WDR20: variants seen among roughly 807,000 people sequenced by gnomAD.
WDR20 encodes WD repeat-containing protein 20.
Under a neutral mutation model 38.7 loss-of-function variants are expected in WDR20, and 3 were observed. The observed-to-expected ratio is 0.08, with a 90% CI of 0.04 to 0.20. The LOEUF (loss-of-function observed/expected upper bound fraction) is 0.20. Among genes scored for constraint, WDR20 ranks in the 10% least tolerant of loss-of-function variants. The pLI is 1.00. For missense variants in WDR20, 559 were observed against 727.7 expected (o/e 0.77, Z 2.67); for synonymous variants, 298 against 285.6 (o/e 1.04, Z -0.44).
rs1204387320 is a variant in WDR20 at position 102,195,017 on chromosome 14, C to T, written c.329C>T (p.Thr110Ile). ...ACTTGTCATGACTTCAACCACCTAACAGCCACAGCAGAAAGTGTCTCTCTC... is the reference window on the plus strand; with the variant it reads ...ACTTGTCATGACTTCAACCACCTAATAGCCACAGCAGAAAGTGTCTCTCTC... ...QPTCHDFNHL[T>I]ATAESVSLLV... is the part of the protein sequence containing the mutation. Residue 110 changes from threonine (T) to isoleucine (I), a missense_variant, in exon 2 of 3, where the codon ACA becomes ATA. Transcript: ENST00000342702. The T allele has an allele frequency of 6.2e-7, 1 of 1,614,232 alleles. No individual in the cohort carries two copies. Among genetic ancestry groups the T allele is most frequent in the Non-Finnish European group, 8.5e-7 (1 of 1,180,050 alleles).
rs537726011 is a variant in WDR20, at chr14:102,204,117, G to A, written c.433-4486G>A. 2.3e-4 allele frequency among the ~76,000 whole-genome samples: 35 copies of A among 152,210 alleles called. No homozygotes were observed. The East Asian group carries it at 2.3e-3, about 10-fold the overall frequency. ...GGAGTGGCCCTGCAGGCTGGTCGTC[G>A]GAGCCAGGTGATGTGTGTCTGTGGA... On this transcript the variant is annotated intron_variant, in intron 2 of 2. Transcript: ENST00000342702.
chr14:102,189,870 A>G (rs1015378835), intron 1 of WDR20, among the ~76,000 whole-genome samples: 2 of 152,208 alleles, frequency 1.3e-5, no homozygotes, highest in Non-Finnish European at 2.9e-5. Context: ...ATTAAATATT[A>G]AATGTTGTGG....
chr14:102,203,802 C>CTA (rs1053725815), intron 2 of WDR20, among the ~76,000 whole-genome samples: 4 of 152,164 alleles, frequency 2.6e-5, no homozygotes, highest in African/African-American at 9.7e-5. Context: ...CATTACTTAT[C>CTA]ATTGAGCACT....
intron 1 of WDR20, among the ~76,000 whole-genome samples, chr14:102,169,975 A>G (rs1435806446): frequency 2.6e-5 from 4 of 152,184 alleles, no homozygotes; most frequent in Admixed American, 2.0e-4. Context: ...TTTGCCCTCC[A>G]GTGCCACCCT....
At chr14:102,180,265 G>T (rs948591671) in intron 1 of WDR20, among the ~76,000 whole-genome samples, 1 of 152,136 alleles carries the variant, frequency 6.6e-6, no homozygotes, top group Admixed American at 6.5e-5. Context: ...CCTGTAGCAG[G>T]GTCACTGTTG....
chr14:102,193,063 C>T (rs2058780916), intron 1 of WDR20, among the ~76,000 whole-genome samples: 1 of 148,296 alleles, frequency 6.7e-6, no homozygotes, highest in Non-Finnish European at 1.5e-5. Flanking sequence ...CTTAATTGTT[C>T]GTATTTCAAA....
In WDR20 at chr14:102,208,709, A is replaced by C; in HGVS notation, c.539A>C (p.Glu180Ala). 6.2e-7 allele frequency: 1 copy of C among 1,614,238 alleles called. No homozygotes were observed. The highest frequency in any genetic ancestry group is 8.5e-7 in the Non-Finnish European group (1 of 1,180,048). ...SSGNMYLYNV[E>A]HTCGTTAPHY... is the part of the protein sequence containing the mutation. ...GGGAACATGTACTTATATAATGTGG[A>C]GCACACTTGTGGCACCACAGCCCCC... The change falls in exon 3 of 3, where the codon GAG becomes GCG. Residue 180 changes from glutamate (E) to alanine (A), a missense_variant. Transcript: ENST00000342702. The surrounding 1 kb of genome is among the most constrained non-coding windows in gnomAD (Gnocchi z 5.6).
intron 1 of WDR20, among the ~76,000 whole-genome samples, chr14:102,146,549 G>C (rs1190814702): frequency 6.6e-6 from 1 of 152,188 alleles, no homozygotes; most frequent in Non-Finnish European, 1.5e-5. Context: ...TTTAGATCCT[G>C]ATTAAAGAAG....
chr14:102,186,469 G>A (rs180788411), intron 1 of WDR20, among the ~76,000 whole-genome samples: 2 of 152,304 alleles, frequency 1.3e-5, no homozygotes, highest in East Asian at 3.9e-4. Context: ...ACATAGTTGA[G>A]CTTTGTTCAA....
downstream of WDR20, chr14:102,214,224 C>G: frequency 1.0e-6 from 1 of 985,522 alleles, no homozygotes. Flanking sequence ...TAGTCTACCA[C>G]CCTGGCAGCA....
chr14:102,196,919 C>A (rs1178269977), intron 2 of WDR20, among the ~76,000 whole-genome samples: 1 of 152,150 alleles, frequency 6.6e-6, no homozygotes, highest in Non-Finnish European at 1.5e-5. Context: ...ATCGATTGCC[C>A]TTCATAGTAA....
At chr14:102,212,427 C>T, downstream of WDR20, 2 of 1,369,620 alleles carry the variant, frequency 1.5e-6, no homozygotes, top group Non-Finnish European at 2.0e-6. Context: ...CATGTCCTGA[C>T]CCCTGGCTCA....
intron 1 of WDR20, among the ~76,000 whole-genome samples, chr14:102,164,240 A>G (rs979301684): frequency 6.6e-6 from 1 of 151,948 alleles, no homozygotes; most frequent in South Asian, 2.1e-4. Flanking sequence ...ATGGCCATAT[A>G]TTGACTTCCC....
chr14:102,160,521 T>G (rs577716939), intron 1 of WDR20, among the ~76,000 whole-genome samples: 1 of 152,266 alleles, frequency 6.6e-6, no homozygotes, highest in East Asian at 1.9e-4. Context: ...TGATCTATAT[T>G]GGAGATCTTT....
chr14:102,200,129 G>A (rs2060051513), intron 2 of WDR20, among the ~76,000 whole-genome samples: 1 of 152,234 alleles, frequency 6.6e-6, no homozygotes, highest in Non-Finnish European at 1.5e-5. Context: ...CCTTGCTGGT[G>A]CATCTGTTCA....
downstream of WDR20, among the ~76,000 whole-genome samples, chr14:102,219,623 C>T (rs72698551): frequency 1.9e-3 from 285 of 152,362 alleles, no homozygotes; most frequent in Admixed American, 9.6e-3. Context: ...GGGCGGGCTC[C>T]AGGGAGTCCC....
chr14:102,216,064 G>A (rs1254414288), downstream of WDR20, among the ~76,000 whole-genome samples: 1 of 152,162 alleles, frequency 6.6e-6, no homozygotes, highest in Non-Finnish European at 1.5e-5. Flanking sequence ...GTTGGCAGCC[G>A]GCTGAGCCCT....
At position 102,173,841 on chromosome 14, in the gene WDR20, G is replaced by A. The variant is rs1263850620; in HGVS notation, c.250-21097G>A. ...GGGCAGATCATGAGGTCAGGAGATC[G>A]AGACCATCCTGGCTAACATGCTGAA... On this transcript the variant is annotated intron_variant, in intron 1 of 2. Coordinates refer to ENST00000342702, the MANE Select transcript of WDR20 (RefSeq NM_144574.4). Among the ~76,000 whole-genome samples, 6 of 152,104 alleles carry A rather than the reference G, an allele frequency of 3.9e-5. No individual in the cohort carries two copies. In the East Asian group the frequency reaches 7.7e-4, roughly 20 times the overall value.
At chr14:102,219,268 T>C (rs979937266), downstream of WDR20, among the ~76,000 whole-genome samples, 1 of 152,218 alleles carries the variant, frequency 6.6e-6, no homozygotes, top group Non-Finnish European at 1.5e-5. Flanking sequence ...TCCTGTTGCC[T>C]CCAGTGTTCA....
Sources: gnomAD v4.1 joint callset for allele counts (sites outside exome capture counted in the v4.1 genomes callset) on GRCh38, gnomAD v4.1.1 for gene constraint, Gnocchi (gnomAD v3.1) non-coding constraint, MANE v1.5 for transcripts, NCBI Gene and HGNC (gene_info 2026-07-23, HGNC 2026-07-21) for gene names.